Variants in IQSEC1 observed in about 807,000 individuals in gnomAD.
The protein encoded by IQSEC1 is IQ motif and SEC7 domain-containing protein 1.
IQSEC1 carries 31 observed loss-of-function variants against 91.0 expected under a neutral mutation model. The ratio of observed to expected loss-of-function variants is 0.34; its 90% CI spans 0.26 to 0.46. IQSEC1 has a LOEUF of 0.46. Ranked by LOEUF, IQSEC1 falls within the 20% of genes least tolerant of loss-of-function variation. IQSEC1 has a pLI of 1.00. For missense variants in IQSEC1, 1,388 were observed against 1,575.6 expected, an observed-to-expected ratio of 0.88 and a Z score of 2.02; for synonymous variants, 699 against 662.6, an observed-to-expected ratio of 1.05 and a Z score of -0.84.
At chr3:13,066,745 AG>A (rs1489183942) in intron 1 of IQSEC1, among the ~76,000 whole-genome samples, 8 of 152,196 alleles carry the variant, frequency 5.3e-5, no homozygotes, top group African/African-American at 1.9e-4. Context: ...CCGCTCTGGC[AG>A]GTGCCACCAG....
intron 2 of IQSEC1, among the ~76,000 whole-genome samples, chr3:13,112,662 C>G (rs1458305120): frequency 1.3e-5 from 2 of 152,246 alleles, no homozygotes; most frequent in African/African-American, 4.8e-5. Context: ...CAGGTGGTCC[C>G]GCAGCAGAGT....
chr3:12,997,628 CTAG>C (rs1196776880), intron 1 of IQSEC1, among the ~76,000 whole-genome samples: 1 of 152,150 alleles, frequency 6.6e-6, no homozygotes, highest in Non-Finnish European at 1.5e-5. Flanking sequence ...ATGGTATGGC[CTAG>C]TCCTCCTAGG....
At chr3:13,128,351 AT>A (rs961270198) in intron 2 of IQSEC1, among the ~76,000 whole-genome samples, 4 of 151,936 alleles carry the variant, frequency 2.6e-5, no homozygotes, top group Admixed American at 1.3e-4. Flanking sequence ...CTTTATTCCA[AT>A]TTTTTTTCCT....
At chr3:13,246,212 T>G (rs1042469922) in intron 1 of IQSEC1, among the ~76,000 whole-genome samples, 2 of 152,218 alleles carry the variant, frequency 1.3e-5, no homozygotes, top group Non-Finnish European at 2.9e-5. Flanking sequence ...CACTGCCACA[T>G]GGGTGAACCT....
chr3:13,238,073 T>C (rs1694961983), intron 1 of IQSEC1, among the ~76,000 whole-genome samples: 1 of 152,178 alleles, frequency 6.6e-6, no homozygotes, highest in Admixed American at 6.5e-5. Context: ...GCACAACGCA[T>C]GGTCGGGCAG....
chr3:13,088,679 A>G (rs1705783261), intron 2 of IQSEC1, among the ~76,000 whole-genome samples: 1 of 152,094 alleles, frequency 6.6e-6, no homozygotes, highest in Non-Finnish European at 1.5e-5. Flanking sequence ...AATCCTTGCC[A>G]TGATCCACAG....
intron 2 of IQSEC1, among the ~76,000 whole-genome samples, chr3:12,939,624 C>T (rs745454085): frequency 1.3e-5 from 2 of 152,188 alleles, no homozygotes; most frequent in Non-Finnish European, 2.9e-5. Context: ...TGCTCAGTGG[C>T]CCTTGATGTC....
At chr3:13,272,728 G>A (rs948990375) in intron 1 of IQSEC1, among the ~76,000 whole-genome samples, 1 of 152,238 alleles carries the variant, frequency 6.6e-6, no homozygotes, top group African/African-American at 2.4e-5. Flanking sequence ...ATGGGCTGTG[G>A]GAGGGGGATG....
intron 10 of IQSEC1, 41 bp downstream of exon 10, chr3:12,911,588 G>T: frequency 7.0e-7 from 1 of 1,421,446 alleles, no homozygotes; most frequent in Admixed American, 1.7e-5. Flanking sequence ...GCGTAAGCTG[G>T]GACATGCGCT....
intron 1 of IQSEC1, among the ~76,000 whole-genome samples, chr3:13,254,960 G>C (rs6785611): frequency 0.18 from 28,039 of 152,016 alleles, 2,608 homozygotes; most frequent in East Asian, 0.26. Context: ...CAAAGCTCCA[G>C]ATCCGACAAG....
intron 2 of IQSEC1, among the ~76,000 whole-genome samples, chr3:13,153,263 C>T (rs928490663): frequency 3.3e-5 from 5 of 152,124 alleles, no homozygotes; most frequent in Non-Finnish European, 7.4e-5. Context: ...TTGAAGCAGG[C>T]AACCCCTGCA....
chr3:13,238,294 C>T (rs1694967130), intron 1 of IQSEC1, among the ~76,000 whole-genome samples: 1 of 152,208 alleles, frequency 6.6e-6, no homozygotes, highest in African/African-American at 2.4e-5. Context: ...TGAGTCCAGA[C>T]CACGCACAGC....
chr3:13,141,018 C>T (rs6805063), intron 2 of IQSEC1, among the ~76,000 whole-genome samples: 40,268 of 152,176 alleles, frequency 0.26, 5,535 homozygotes, highest in South Asian at 0.45. Flanking sequence ...GAGGGCACCA[C>T]GACGAAGGGC....
chr3:12,917,701 T>C (rs1424442008), intron 6 of IQSEC1, among the ~76,000 whole-genome samples: 1 of 152,268 alleles, frequency 6.6e-6, no homozygotes, highest in Non-Finnish European at 1.5e-5. Flanking sequence ...ATGCTATAAG[T>C]ATCCGTGTGC....
intron 12 of IQSEC1, 75 bp from the exon 13 acceptor site, chr3:12,902,897 G>A: frequency 1.8e-6 from 2 of 1,113,216 alleles, no homozygotes; most frequent in Non-Finnish European, 2.7e-6. Flanking sequence ...GTGCCACGCT[G>A]CTGCCACGGA....
At chr3:13,174,127 G>T (rs1194982782) in intron 1 of IQSEC1, among the ~76,000 whole-genome samples, 1 of 152,156 alleles carries the variant, frequency 6.6e-6, no homozygotes, top group South Asian at 2.1e-4. Context: ...GTGCTCCTGG[G>T]GCAGGTGGCG....
intron 2 of IQSEC1, among the ~76,000 whole-genome samples, chr3:13,152,250 A>G (rs973137798): frequency 2.6e-5 from 4 of 152,196 alleles, no homozygotes; most frequent in Non-Finnish European, 5.9e-5. Context: ...CTGGGAACAT[A>G]ATGAAGAAAA....
intron 2 of IQSEC1, among the ~76,000 whole-genome samples, chr3:13,120,446 C>T (rs1241659500): frequency 6.6e-6 from 1 of 152,186 alleles, no homozygotes; most frequent in African/African-American, 2.4e-5. Context: ...GCTCTGCTGC[C>T]CGCAAGCTGT....
At chr3:13,075,172 G>A (rs1559249914), upstream of IQSEC1, among the ~76,000 whole-genome samples, 1 of 152,110 alleles carries the variant, frequency 6.6e-6, no homozygotes, top group Non-Finnish European at 1.5e-5. Flanking sequence ...TCTCCTCACT[G>A]GAGTTTCAAA....
Sources: gnomAD v4.1 joint callset for allele counts (sites outside exome capture counted in the v4.1 genomes callset) on GRCh38, gnomAD v4.1.1 for gene constraint, MANE v1.5 for transcripts, NCBI Gene and HGNC (gene_info 2026-07-23, HGNC 2026-07-21) for gene names.